Variants in ASIC4 observed in about 807,000 individuals in gnomAD.
ASIC4 encodes acid sensing ion channel subunit family member 4.
ASIC4 carries 28 observed loss-of-function variants against 53.4 expected under a neutral mutation model. That is an observed-to-expected ratio of 0.52 (90% CI 0.39 to 0.72). The LOEUF (loss-of-function observed/expected upper bound fraction) is 0.72. Ranked by LOEUF, ASIC4 falls within the 30% of genes least tolerant of loss-of-function variation. The pLI is 0.00. For synonymous variants in ASIC4, 289 were observed against 301.4 expected (o/e 0.96, Z 0.43); for missense variants, 649 against 729.7 (o/e 0.89, Z 1.27).
At chr2:219,510,921 T>TCCGCCCC (rs1165820598), upstream of ASIC4, among the ~76,000 whole-genome samples, 1 of 151,832 alleles carries the variant, frequency 6.6e-6, no homozygotes, top group Non-Finnish European at 1.5e-5. The surrounding 1 kb of genome is among the most constrained non-coding windows in gnomAD (Gnocchi z 5.2). Flanking sequence ...TCAGCCGCCG[T>TCCGCCCC]CCGCCCCCCG....
rs1330318955 is a variant in ASIC4, at chr2:219,534,502, C to G, written c.1076-669C>G. ...ACGGCCTGGCAGTGAGAAAGCCAGG[C>G]GGGAGAAATACCCTGGCATCTCTTC... On this transcript the variant is annotated intron_variant, in intron 5 of 9. Coordinates refer to ENST00000358078, the MANE Select transcript of ASIC4 (RefSeq NM_018674.6). Among the ~76,000 whole-genome samples the G allele has an allele frequency of 2.0e-5, 3 of 152,188 alleles. No homozygotes were observed. The East Asian group carries it at 5.8e-4, about 29-fold the overall frequency.
At position 219,537,164 on chromosome 2, in the gene ASIC4, C is replaced by T. The variant is rs1695152506; in HGVS notation, c.1321+7C>T. 1 of 1,613,586 alleles carries T rather than the reference C, an allele frequency of 6.2e-7. No individual in the cohort carries two copies. Among genetic ancestry groups the T allele is most frequent in the African/African-American group, 1.3e-5 (1 of 74,900 alleles). ...GGCCTGTCAGCCCTGCTGGGTGAGA[C>T]TGGTGTCCCTGCCCCCAGCTTGTGT... is the stretch of plus-strand genomic sequence containing the variant. On this transcript the variant is annotated splice_region_variant and intron_variant, in intron 7 of 9. Coordinates refer to ENST00000358078, the MANE Select transcript of ASIC4 (RefSeq NM_018674.6). This position sits in a 1 kb window ranked among gnomAD's most constrained non-coding sequence, Gnocchi z 4.9.
chr2:219,535,319 C>G lies in ASIC4; in HGVS notation c.1224C>G (p.Tyr408Ter). The G allele has an allele frequency of 6.2e-7, 1 of 1,603,706 alleles. No individual in the cohort carries two copies. Among genetic ancestry groups the G allele is most frequent in the Non-Finnish European group, 8.5e-7 (1 of 1,176,978 alleles). ...LARKYNRNET[Y>*]IRENFLVLDV... Reference sequence around the variant, plus strand: ...GGAAGTACAACCGCAACGAGACCTACATACGGTATGTGTGTGTGTGTGTGG... The same window carrying G: ...GGAAGTACAACCGCAACGAGACCTAGATACGGTATGTGTGTGTGTGTGTGG... The change falls in exon 6 of 10, where the codon TAC (tyrosine) becomes TAG (stop). Residue 408 changes from tyrosine to a stop codon, truncating the protein, a stop_gained. Transcript: ENST00000358078. LOFTEE classifies it high-confidence loss of function.
chr2:219,535,419 G>A (rs1388361451), intron 6 of ASIC4, 95 bp downstream of exon 6: 3 of 1,328,050 alleles, frequency 2.3e-6, no homozygotes, highest in Non-Finnish European at 2.0e-6. Context: ...GTGTGTGTGA[G>A]TGTATGTGTG....
upstream of ASIC4, among the ~76,000 whole-genome samples, chr2:219,512,337 G>C (rs573580004): frequency 6.6e-6 from 1 of 152,184 alleles, no homozygotes; most frequent in African/African-American, 2.4e-5. Flanking sequence ...CTCAATAGAT[G>C]GTGGGTGAAT....
At chr2:219,510,930 C>G (rs569084270), upstream of ASIC4, among the ~76,000 whole-genome samples, 3 of 152,238 alleles carry the variant, frequency 2.0e-5, no homozygotes, top group South Asian at 2.1e-4. This position sits in a 1 kb window ranked among gnomAD's most constrained non-coding sequence, Gnocchi z 5.2. Context: ...GTCCGCCCCC[C>G]GCCCCTCGGC....
intron 1 of ASIC4, among the ~76,000 whole-genome samples, chr2:219,523,041 G>C (rs1666758864): frequency 1.3e-5 from 2 of 151,924 alleles, no homozygotes; most frequent in Admixed American, 1.3e-4. Context: ...AGGGCGGGGG[G>C]CCAGGGATCC....
chr2:219,535,310 C>G lies in ASIC4; in HGVS notation c.1215C>G (p.Asn405Lys). ...ACCTGGCGAGGAAGTACAACCGCAACGAGACCTACATACGGTATGTGTGTG... is the reference window on the plus strand; with the variant it reads ...ACCTGGCGAGGAAGTACAACCGCAAGGAGACCTACATACGGTATGTGTGTG... ...ARYLARKYNR[N>K]ETYIRENFLV... Residue 405 changes from asparagine to lysine, a missense_variant, in exon 6 of 10, where the codon AAC becomes AAG. Asn to Lys is a moderately conservative substitution (Grantham distance 94). Coordinates refer to ENST00000358078, the MANE Select transcript of ASIC4 (RefSeq NM_018674.6). The G allele has an allele frequency of 6.2e-7, 1 of 1,610,530 alleles. No homozygotes were observed. The highest frequency in any genetic ancestry group is 8.5e-7 in the Non-Finnish European group (1 of 1,179,056).
intron 6 of ASIC4, 55 bp downstream of exon 6, chr2:219,535,379 T>C (rs79379124): frequency 2.0e-6 from 3 of 1,467,088 alleles, no homozygotes; most frequent in Non-Finnish European, 2.7e-6. Flanking sequence ...TACGTGTGTG[T>C]GGGGGGTGGC....
At chr2:219,508,980 C>T in the ASIC4 span, among the ~76,000 whole-genome samples, 12 of 149,250 alleles carry the variant, frequency 8.0e-5, no homozygotes, top group South Asian at 1.9e-3. Context: ...GGAGGAGAGC[C>T]GGGGACAGGG....
At chr2:219,514,180 C>T (rs1364056918), upstream of ASIC4, 15 of 844,252 alleles carry the variant, frequency 1.8e-5, no homozygotes, top group East Asian at 5.6e-5. Flanking sequence ...ACCCAGTGAG[C>T]GGCTAGGGTG....
chr2:219,532,160 C>T (rs747700795), intron 3 of ASIC4, 32 bp downstream of exon 3: 2 of 1,613,360 alleles, frequency 1.2e-6, no homozygotes, highest in Admixed American at 3.3e-5. Flanking sequence ...CTGGATTGGG[C>T]ACAGGGCTCG....
At chr2:219,535,739 G>A (rs1401328155) in intron 6 of ASIC4, among the ~76,000 whole-genome samples, 5 of 151,736 alleles carry the variant, frequency 3.3e-5, no homozygotes, top group African/African-American at 9.7e-5. Context: ...GTCTTCTACC[G>A]GGAATGCCCT....
upstream of ASIC4, among the ~76,000 whole-genome samples, chr2:219,512,789 A>T (rs1694718520): frequency 1.3e-5 from 2 of 152,240 alleles, no homozygotes; most frequent in African/African-American, 4.8e-5. Context: ...GACTCATTGG[A>T]GGCTTGTGGG....
intron 1 of ASIC4, 81 bp downstream of exon 1, chr2:219,515,387 G>A (rs1694769900): frequency 2.0e-6 from 3 of 1,504,562 alleles, no homozygotes; most frequent in African/African-American, 2.8e-5. Flanking sequence ...GTGGTGTACA[G>A]GGGCATCCTC....
At chr2:219,535,960 A>T (rs1695130620) in intron 6 of ASIC4, among the ~76,000 whole-genome samples, 1 of 152,022 alleles carries the variant, frequency 6.6e-6, no homozygotes, top group Admixed American at 6.6e-5. Flanking sequence ...TTTAGTAGAG[A>T]TGGGGTTTCA....
At chr2:219,514,183 C>A (rs1295997962), upstream of ASIC4, 3 of 876,384 alleles carry the variant, frequency 3.4e-6, no homozygotes, top group Non-Finnish European at 5.0e-6. Context: ...CAGTGAGCGG[C>A]TAGGGTGCAG....
upstream of ASIC4, among the ~76,000 whole-genome samples, chr2:219,513,593 C>T (rs1453726715): frequency 2.0e-5 from 3 of 152,206 alleles, no homozygotes; most frequent in Admixed American, 2.0e-4. Flanking sequence ...CCCTGTCCCC[C>T]TACATATAGA....
chr2:219,509,694 C>G (rs1055537914), upstream of ASIC4, among the ~76,000 whole-genome samples: 6 of 152,044 alleles, frequency 3.9e-5, no homozygotes, highest in African/African-American at 1.4e-4. This position sits in a 1 kb window ranked among gnomAD's most constrained non-coding sequence, Gnocchi z 5.2. Flanking sequence ...TGTCTGAGTT[C>G]AAGGGGTGAT....
Sources: allele counts gnomAD v4.1 joint callset (sites outside exome capture counted in the v4.1 genomes callset), GRCh38; gene constraint gnomAD v4.1.1; non-coding constraint Gnocchi (gnomAD v3.1); transcripts MANE v1.5; gene names NCBI Gene and HGNC (gene_info 2026-07-23, HGNC 2026-07-21).